The following TNK2 variants were observed in gnomAD, a reference collection of about 807,000 sequenced individuals.
The protein encoded by TNK2 is tyrosine kinase non receptor 2.
TNK2 carries 83 observed loss-of-function variants against 101.8 expected under a neutral mutation model. The observed-to-expected ratio is 0.82, with a 90% confidence interval of 0.68 to 0.98. The LOEUF (loss-of-function observed/expected upper bound fraction) is 0.98. Among genes scored for constraint, TNK2 ranks in the 50% least tolerant of loss-of-function variants. The pLI is 0.00. For missense variants in TNK2, 1,665 were observed against 1,483.2 expected (o/e 1.12, Z -2.01); for synonymous variants, 804 against 633.0 (o/e 1.27, Z -4.06).
intron 15 of TNK2, among the ~76,000 whole-genome samples, chr3:195,865,139 G>A (rs1303734713): frequency 3.9e-5 from 5 of 129,470 alleles, no homozygotes; most frequent in South Asian, 2.8e-4. Flanking sequence ...GTGACAGCGA[G>A]TGCCTGCGTC....
In TNK2 at chr3:195,867,457, G is replaced by A. The variant is rs1741659186; in HGVS notation, c.2841C>T (p.Ala947=). 2 of 1,590,078 alleles carry A rather than the reference G, an allele frequency of 1.3e-6. No individual in the cohort carries two copies. The highest frequency in any genetic ancestry group is 1.7e-6 in the Non-Finnish European group (2 of 1,175,010). The change falls in exon 13 of 16, where the codon GCC becomes GCT. Residue 947 remains alanine (A), a synonymous_variant. Coordinates refer to ENST00000672887, the MANE Select transcript of TNK2 (RefSeq NM_001382273.1). Reference sequence around the variant, plus strand: ...CAGTGGCCCTCGGGGGTGGTGGCCGGGCCCCTGGGTTGCTGTTGTTGGTGG... The same window carrying A: ...CAGTGGCCCTCGGGGGTGGTGGCCGAGCCCCTGGGTTGCTGTTGTTGGTGG... The part of the protein sequence containing the change: ...NFSTNNSNPG[A]RPPPPRATAR...
At chr3:195,879,249 T>C in intron 6 of TNK2, 74 bp from the exon 7 acceptor site, 3 of 1,585,936 alleles carry the variant, frequency 1.9e-6, no homozygotes, top group Non-Finnish European at 2.6e-6. Context: ...CTTAAAACAC[T>C]CATGCAGCAA....
At chr3:195,870,251 AG>A (rs747909464) in intron 10 of TNK2, 46 bp from the exon 11 acceptor site, 15 of 1,597,728 alleles carry the variant, frequency 9.4e-6, no homozygotes, top group Non-Finnish European at 1.3e-5. Flanking sequence ...AAGCGTGTGG[AG>A]GGGTGGCAGA....
chr3:195,879,152 G>A lies in TNK2; in HGVS notation c.911C>T (p.Thr304Ile). The stretch of plus-strand genomic sequence containing the variant: ...GTCGCTGGCATGGGAGAAGGTGCGT[G>A]TCTTCAGGCTCTCGGGGGCACACCT... ...FAWCAPESLK[T>I]RTFSHASDTW... is the part of the protein sequence containing the mutation. The change falls in exon 7 of 16, where the codon ACA becomes ATA. Residue 304 changes from threonine to isoleucine, a missense_variant. Coordinates refer to ENST00000672887, the MANE Select transcript of TNK2 (RefSeq NM_001382273.1). 1 of 1,613,682 alleles carries A rather than the reference G, an allele frequency of 6.2e-7. No homozygotes were observed. Among genetic ancestry groups the A allele is most frequent in the Non-Finnish European group, 8.5e-7 (1 of 1,179,984 alleles).
At chr3:195,889,796 T>C (rs564200633) in intron 1 of TNK2, among the ~76,000 whole-genome samples, 1 of 152,282 alleles carries the variant, frequency 6.6e-6, no homozygotes. Context: ...CCTGTCTGCG[T>C]AAGGTGTGTC....
Position 195,868,669 on chromosome 3 carries a change from CA to C in TNK2, c.1628del (p.Leu543CysfsTer188). ...YDPVSEDQDP[L>X]SSDFKRLGLR... ...GGCCCAGCCTCTTGAAGTCGCTGGACAAGGGGTCTTGGTCCTCGCTCACAGG... is the reference window on the plus strand; with the variant it reads ...GGCCCAGCCTCTTGAAGTCGCTGGACAGGGGTCTTGGTCCTCGCTCACAGG... On this transcript the variant is annotated frameshift_variant, in exon 13 of 16. Coordinates refer to ENST00000672887, the MANE Select transcript of TNK2 (RefSeq NM_001382273.1). LOFTEE classifies it high-confidence loss of function. 2.5e-6 allele frequency: 4 copies of C among 1,593,270 alleles called. No homozygotes were observed. The highest frequency in any genetic ancestry group is 3.4e-6 in the Non-Finnish European group (4 of 1,177,770).
Position 195,878,021 on chromosome 3 carries a change from C to A in TNK2, c.1256+232G>T, listed in dbSNP as rs1750398887. 6.6e-6 allele frequency among the ~76,000 whole-genome samples: 1 copy of A among 152,002 alleles called. No homozygotes were observed. The highest frequency in any genetic ancestry group is 2.4e-5 in the African/African-American group (1 of 41,384). ...ATAAAGGCAGCCTGGCCCAACCACA[C>A]AGCCAGGGCTGCAGCCCAGTGGGAA... On this transcript the variant is annotated intron_variant, in intron 9 of 15. Transcript: ENST00000672887. This position sits in a 1 kb window ranked among gnomAD's most constrained non-coding sequence, Gnocchi z 4.7.
chr3:195,866,995 C>T lies in TNK2; in HGVS notation c.3055G>A (p.Gly1019Ser). The T allele has an allele frequency of 1.2e-6, 2 of 1,613,226 alleles. No homozygotes were observed. The change falls in exon 15 of 16, where the codon GGT becomes AGT. Residue 1019 changes from glycine (G) to serine (S), a missense_variant. By Grantham distance (56) the Gly-to-Ser change is moderately conservative. Coordinates refer to ENST00000672887, the MANE Select transcript of TNK2 (RefSeq NM_001382273.1). ...TGGCACTCCCCTCTGGGCCGCAGAC[C>T]CAGCCCGAAGAGCTGCTCCACCTGG... ...YLKVEQLFGLGLRPRGECHKV... is the reference protein window; with the variant it reads ...YLKVEQLFGLSLRPRGECHKV...
chr3:195,906,663 T>C (rs1306966155), intron 1 of TNK2, among the ~76,000 whole-genome samples: 1 of 151,794 alleles, frequency 6.6e-6, no homozygotes, highest in Admixed American at 6.6e-5. Flanking sequence ...TTCACTATCT[T>C]GAAGGTGGGG....
chr3:195,867,540 G>A lies in TNK2; in HGVS notation c.2758C>T (p.Pro920Ser), dbSNP rs777822603. The A allele has an allele frequency of 3.3e-6, 5 of 1,531,616 alleles. No homozygotes were observed. The highest frequency in any genetic ancestry group is 1.4e-5 in the African/African-American group (1 of 73,434). 94.9% of individuals were successfully genotyped at this position (1,531,616 alleles called of 1,614,324 possible). A position where few individuals can be genotyped will look rare whatever the true frequency, so the allele number is the denominator to read the frequency against. The change falls in exon 13 of 16, where the codon CCC becomes TCC. Residue 920 changes from proline to serine, a missense_variant. Transcript: ENST00000672887. ...PPPSTPAPAA[P>S]TATVRPMPQA... Reference sequence around the variant, plus strand: ...GGCATCGGCCGCACGGTGGCCGTGGGGGCGGCGGGGGCTGGGGTGCTGGGT... The same window carrying A: ...GGCATCGGCCGCACGGTGGCCGTGGAGGCGGCGGGGGCTGGGGTGCTGGGT...
At chr3:195,877,005 C>T (rs1258882680) in intron 9 of TNK2, among the ~76,000 whole-genome samples, 3 of 152,162 alleles carry the variant, frequency 2.0e-5, no homozygotes, top group East Asian at 1.9e-4. Flanking sequence ...CTTTCCAGCT[C>T]GTGGAGGTGG....
In TNK2 at chr3:195,867,383, C is replaced by T. The variant is rs377754629; in HGVS notation, c.2915G>A (p.Arg972Gln). 83 of 1,604,232 alleles carry T rather than the reference C, an allele frequency of 5.2e-5. 1 individual carries two copies. Among genetic ancestry groups the T allele is most frequent in the African/African-American group, 2.1e-4 (16 of 74,974 alleles). ...CACCATCTGGATCTTGTCTGCTGGC[C>T]GGCCCGCCTCTGGCCCATCGCCAGG... Reference protein sequence around the residue: ...GCPGDGPEAGRPADKIQMLQA... With the variant: ...GCPGDGPEAGQPADKIQMLQA... Residue 972 changes from arginine (R) to glutamine (Q), a missense_variant, in exon 13 of 16, where the codon CGG becomes CAG. Arg to Gln is a conservative substitution (Grantham distance 43). This residue lies in a region of TNK2 where 1,136 missense variants were observed against 894.9 expected (regional missense o/e 1.27). Coordinates refer to ENST00000672887, the MANE Select transcript of TNK2 (RefSeq NM_001382273.1).
chr3:195,878,496 T>C lies in TNK2; in HGVS notation c.1111A>G (p.Lys371Glu). 1 of 1,613,930 alleles carries C rather than the reference T, an allele frequency of 6.2e-7. No individual in the cohort carries two copies. The highest frequency in any genetic ancestry group is 8.5e-7 in the Non-Finnish European group (1 of 1,180,036). Reference sequence around the variant, plus strand: ...ACAAACGTGGGTCTGTCCTCTGGCTTGTGAGCCCAGCACTGGACCATGACG... The same window carrying C: ...ACAAACGTGGGTCTGTCCTCTGGCTCGTGAGCCCAGCACTGGACCATGACG... ...YNVMVQCWAH[K>E]PEDRPTFVAL... The change falls in exon 8 of 16, where the codon AAG becomes GAG. Residue 371 changes from lysine (K) to glutamate (E), a missense_variant. Lys to Glu is a moderately conservative substitution (Grantham distance 56, BLOSUM62 1). This residue lies in a region of TNK2 where 490 missense variants were observed against 522.5 expected (regional missense o/e 0.94). Transcript: ENST00000672887. The surrounding 1 kb of genome is among the most constrained non-coding windows in gnomAD (Gnocchi z 4.7).
At chr3:195,880,781 A>G (rs9832143) in intron 6 of TNK2, among the ~76,000 whole-genome samples, 2 of 6,664 alleles carry the variant, frequency 3.0e-4, no homozygotes, top group East Asian at 7.2e-3. Flanking sequence ...CCCCCCAGCA[A>G]TGCCCCTTGG....
intron 9 of TNK2, among the ~76,000 whole-genome samples, chr3:195,873,198 G>A (rs1047691966): frequency 1.3e-5 from 2 of 152,230 alleles, no homozygotes; most frequent in African/African-American, 4.8e-5. Flanking sequence ...TGACCAGACA[G>A]TAGGGCTGCC....
In TNK2 at chr3:195,874,232, G is replaced by C. The variant is rs567753583; in HGVS notation, c.1257-1762C>G. Among the ~76,000 whole-genome samples the C allele has an allele frequency of 9.8e-5, 15 of 152,328 alleles. No homozygotes were observed. The South Asian group carries it at 3.1e-3, about 32-fold the overall frequency. On this transcript the variant is annotated intron_variant, in intron 9 of 15. Coordinates refer to ENST00000672887, the MANE Select transcript of TNK2 (RefSeq NM_001382273.1). ...GCCGCTGAGGCCGAGACCTTGCTCAGAGCAGCGTGACTCGTGCCCAAGGCA... is the reference window on the plus strand; with the variant it reads ...GCCGCTGAGGCCGAGACCTTGCTCACAGCAGCGTGACTCGTGCCCAAGGCA...
At chr3:195,881,934 G>C in intron 6 of TNK2, 117 bp downstream of exon 6, 1 of 1,289,408 alleles carries the variant, frequency 7.8e-7, no homozygotes, top group Non-Finnish European at 1.1e-6. Flanking sequence ...CCCAGGCTTA[G>C]AACAGACAAG....
At chr3:195,895,383 T>C in intron 1 of TNK2, 3 of 1,546,916 alleles carry the variant, frequency 1.9e-6, no homozygotes, top group Non-Finnish European at 2.6e-6. Flanking sequence ...GCAGCGTCAC[T>C]GCCCTGCGTC....
Position 195,882,349 on chromosome 3 carries a change from G to A in TNK2, c.610-21C>T, listed in dbSNP as rs776465500. The A allele has an allele frequency of 6.2e-7, 1 of 1,607,610 alleles. No homozygotes were observed. Among genetic ancestry groups the A allele is most frequent in the Non-Finnish European group, 8.5e-7 (1 of 1,175,336 alleles). ...GTCACCTGAGGCCACGGAGGAGGCAGGAGGAATGAGCTGGAGGACCCTGCC... is the reference window on the plus strand; with the variant it reads ...GTCACCTGAGGCCACGGAGGAGGCAAGAGGAATGAGCTGGAGGACCCTGCC... On this transcript the variant is annotated intron_variant, in intron 5 of 15. Coordinates refer to ENST00000672887, the MANE Select transcript of TNK2 (RefSeq NM_001382273.1). This position sits in a 1 kb window ranked among gnomAD's most constrained non-coding sequence, Gnocchi z 4.2.
Sources: gnomAD v4.1 joint callset for allele counts (sites outside exome capture counted in the v4.1 genomes callset) on GRCh38, gnomAD v4.1.1 for gene constraint, gnomAD v4.1.1 regional missense constraint, Gnocchi (gnomAD v3.1) non-coding constraint, MANE v1.5 for transcripts, NCBI Gene and HGNC (gene_info 2026-07-23, HGNC 2026-07-21) for gene names.